Variants in PRKAA1 observed in about 807,000 individuals in gnomAD.
PRKAA1 encodes 5'-AMP-activated protein kinase catalytic subunit alpha-1.
A neutral mutation model predicts 56.9 loss-of-function variants in PRKAA1; 23 were observed. That is an observed-to-expected ratio of 0.40 (90% confidence interval 0.29 to 0.57). The LOEUF is 0.57. PRKAA1 is among the 20% of genes least tolerant of loss of function. The pLI is 0.39. For synonymous variants in PRKAA1, 226 were observed against 227.0 expected, an observed-to-expected ratio of 1.00 and a Z score of 0.04; for missense variants, 413 against 679.7, an observed-to-expected ratio of 0.61 and a Z score of 4.36.
At chr5:40,770,281 A>G (rs1743672295) in intron 4 of PRKAA1, among the ~76,000 whole-genome samples, 1 of 151,990 alleles carries the variant, frequency 6.6e-6, no homozygotes, top group African/African-American at 2.4e-5. Flanking sequence ...TGGCCAACAT[A>G]GTGATTCCCC....
At chr5:40,797,499 T>C (rs1037060418) in intron 1 of PRKAA1, among the ~76,000 whole-genome samples, 3 of 151,912 alleles carry the variant, frequency 2.0e-5, no homozygotes, top group African/African-American at 4.8e-5. Flanking sequence ...TCCGACGACA[T>C]GGTCTTTAAA....
In PRKAA1 at chr5:40,775,519, A is replaced by G; in HGVS notation, c.270-16T>C. 1 of 1,513,518 alleles carries G rather than the reference A, an allele frequency of 6.6e-7. No individual in the cohort carries two copies. Among genetic ancestry groups the G allele is most frequent in the Non-Finnish European group, 9.2e-7 (1 of 1,088,994 alleles). The allele number at this position is 1,513,518 out of a possible 1,614,324, so 93.8% of individuals were successfully genotyped here. On this transcript the variant is annotated splice_polypyrimidine_tract_variant and intron_variant, in intron 2 of 8. Transcript: ENST00000397128. ...GACCTGGTACCTGGTGAGAGAAAAC[A>G]TTGTCTACAAATATTAAAACACATA...
At chr5:40,765,301 G>C in intron 6 of PRKAA1, 63 bp from the exon 7 acceptor site, 1 of 1,472,246 alleles carries the variant, frequency 6.8e-7, no homozygotes, top group Non-Finnish European at 9.2e-7. Flanking sequence ...GAAAGTAACA[G>C]TTTAGGGAAT....
At chr5:40,795,018 C>CACACACAA (rs1423378613) in intron 1 of PRKAA1, among the ~76,000 whole-genome samples, 1 of 151,944 alleles carries the variant, frequency 6.6e-6, no homozygotes, top group Non-Finnish European at 1.5e-5. Context: ...TACACACACA[C>CACACACAA]ACACACACAC....
At chr5:40,775,647 G>C in intron 2 of PRKAA1, 144 bp from the exon 3 acceptor site, 1 of 612,104 alleles carries the variant, frequency 1.6e-6, no homozygotes, top group Non-Finnish European at 2.9e-6. Flanking sequence ...TGCTCTCATG[G>C]AGTTCATGTT....
intron 1 of PRKAA1, among the ~76,000 whole-genome samples, chr5:40,787,402 T>C (rs1744536799): frequency 1.3e-5 from 2 of 151,792 alleles, no homozygotes; most frequent in African/African-American, 2.4e-5. Context: ...GAGGTGGAGG[T>C]TGGGGTGAGC....
chr5:40,788,981 C>T (rs182767523), intron 1 of PRKAA1, among the ~76,000 whole-genome samples: 11 of 152,178 alleles, frequency 7.2e-5, no homozygotes, highest in African/African-American at 1.7e-4. Context: ...GAGGCCGACG[C>T]GGGTGGATCA....
At chr5:40,785,389 A>G (rs1016648025) in intron 1 of PRKAA1, among the ~76,000 whole-genome samples, 1 of 151,806 alleles carries the variant, frequency 6.6e-6, no homozygotes, top group Non-Finnish European at 1.5e-5. Context: ...ACAGGCACCT[A>G]CCACCTCGCC....
At position 40,798,231 on chromosome 5, in the gene PRKAA1, CG is replaced by C. The variant is rs1745037341; in HGVS notation, c.-43del. ...GCGGAGGGGGCGGGCAGGGCCGCGC[CG>C]GGGGCGGGCGGGGAGGGGGTGGGGA... On this transcript the variant is annotated 5_prime_UTR_variant, in exon 1 of 9. Coordinates refer to ENST00000397128, the MANE Select transcript of PRKAA1 (RefSeq NM_006251.6). 1 of 14,282 alleles carries C rather than the reference CG, an allele frequency of 7.0e-5. No homozygotes were observed. The highest frequency in any genetic ancestry group is 1.0e-3 in the Admixed American group (1 of 998). The allele number at this position is 14,282 out of a possible 1,614,324, so 0.9% of individuals were successfully genotyped here.
Position 40,769,401 on chromosome 5 carries a change from G to A in PRKAA1, c.596+15C>T. On this transcript the variant is annotated intron_variant, in intron 5 of 8. Coordinates refer to ENST00000397128, the MANE Select transcript of PRKAA1 (RefSeq NM_006251.6). Reference sequence around the variant, plus strand: ...ATTTCAAATGTATTGAGGGAGGCAGGGTATCAAATACTACCTTCCTGAAAT... The same window carrying A: ...ATTTCAAATGTATTGAGGGAGGCAGAGTATCAAATACTACCTTCCTGAAAT... 2 of 1,566,128 alleles carry A rather than the reference G, an allele frequency of 1.3e-6. No homozygotes were observed. The highest frequency in any genetic ancestry group is 1.8e-6 in the Non-Finnish European group (2 of 1,139,626).
At chr5:40,795,236 G>A (rs1029046720) in intron 1 of PRKAA1, among the ~76,000 whole-genome samples, 9 of 152,062 alleles carry the variant, frequency 5.9e-5, no homozygotes, top group Non-Finnish European at 1.3e-4. Context: ...GGGGACTTGA[G>A]GGGGAAGAGT....
intron 4 of PRKAA1, among the ~76,000 whole-genome samples, chr5:40,770,201 G>C (rs749989741): frequency 6.6e-6 from 1 of 152,070 alleles, no homozygotes. Context: ...GGTGGCTCAC[G>C]CCTGTAATCC....
chr5:40,795,024 C>CACACACACAT (rs1554033958), intron 1 of PRKAA1, among the ~76,000 whole-genome samples: 6 of 152,000 alleles, frequency 3.9e-5, no homozygotes, highest in African/African-American at 1.5e-4. Context: ...CACACACACA[C>CACACACACAT]ACACACACAC....
intron 1 of PRKAA1, among the ~76,000 whole-genome samples, chr5:40,788,497 C>T (rs1579755140): frequency 6.6e-6 from 1 of 152,016 alleles, no homozygotes; most frequent in Non-Finnish European, 1.5e-5. Flanking sequence ...GCAACAAAAG[C>T]AATAATAAAC....
chr5:40,771,687 T>G, intron 4 of PRKAA1, 32 bp downstream of exon 4: 21 of 1,577,272 alleles, frequency 1.3e-5, no homozygotes, highest in Non-Finnish European at 1.8e-5. Flanking sequence ...ACATTAGAAA[T>G]GAACGTTAAG....
chr5:40,785,391 C>T (rs961074827), intron 1 of PRKAA1, among the ~76,000 whole-genome samples: 5 of 152,060 alleles, frequency 3.3e-5, no homozygotes, highest in African/African-American at 1.2e-4. Flanking sequence ...AGGCACCTAC[C>T]ACCTCGCCCG....
rs921755510 is a variant in PRKAA1 at position 40,796,314 on chromosome 5, T to A, written c.127+1749A>T. On this transcript the variant is annotated intron_variant, in intron 1 of 8. Transcript: ENST00000397128. The stretch of plus-strand genomic sequence containing the variant: ...GCCTGGGCAACAGAGCAAGACCCCA[T>A]CTCGGGAAAAGAAAAAAGAAAAAAG... Among the ~76,000 whole-genome samples the A allele has an allele frequency of 4.8e-4, 71 of 149,422 alleles. 2 individuals are homozygous for A. Among genetic ancestry groups the A allele is most frequent in the African/African-American group, 1.7e-3 (70 of 40,404 alleles).
At chr5:40,790,525 C>CTCTTTTTTTTTTTT (rs546238399) in intron 1 of PRKAA1, among the ~76,000 whole-genome samples, 2 of 112,026 alleles carry the variant, frequency 1.8e-5, no homozygotes, top group Non-Finnish European at 1.8e-5. Flanking sequence ...TCAACTCTTT[C>CTCTTTTTTTTTTTT]TTTTTTTTTT....
chr5:40,782,213 T>C (rs1744293347), intron 1 of PRKAA1, among the ~76,000 whole-genome samples: 1 of 152,176 alleles, frequency 6.6e-6, no homozygotes, highest in Admixed American at 6.5e-5. Flanking sequence ...ACTCCTATGA[T>C]ACCCTGCTCA....
Sources: allele counts gnomAD v4.1 joint callset (sites outside exome capture counted in the v4.1 genomes callset), GRCh38; gene constraint gnomAD v4.1.1; transcripts MANE v1.5; gene names NCBI Gene and HGNC (gene_info 2026-07-23, HGNC 2026-07-21).